CDH2: variants seen among roughly 807,000 people sequenced by gnomAD.
CDH2 encodes cadherin 2, also known as cadherin-2.
A neutral mutation model predicts 92.0 loss-of-function variants in CDH2; 17 were observed. The ratio of observed to expected loss-of-function variants is 0.18; its 90% confidence interval spans 0.13 to 0.28. The LOEUF is 0.28. Among genes scored for constraint, CDH2 ranks in the 10% least tolerant of loss-of-function variants. The pLI is 1.00. For missense variants in CDH2, 862 were observed against 1,133.1 expected (o/e 0.76, Z 3.44); for synonymous variants, 419 against 415.9 (o/e 1.01, Z -0.09).
rs541641759 is a variant in CDH2 at position 27,970,391 on chromosome 18, C to T, written c.2350-6870G>A. ...TCAAAGCCACTCTATCTCAGCATGA[C>T]CTATTAATTCATCTCAGAGAAAACA... On this transcript the variant is annotated intron_variant, in intron 14 of 15. Transcript: ENST00000269141. Among the ~76,000 whole-genome samples, 681 of 152,280 alleles carry T rather than the reference C, an allele frequency of 4.5e-3. 1 individual carries two copies. Among genetic ancestry groups the T allele is most frequent in the Non-Finnish European group, 7.4e-3 (506 of 68,024 alleles).
intron 2 of CDH2, among the ~76,000 whole-genome samples, chr18:28,145,169 T>C (rs1598506195): frequency 6.6e-6 from 1 of 152,094 alleles, no homozygotes; most frequent in Non-Finnish European, 1.5e-5. Flanking sequence ...CCTAAGAATG[T>C]ATATTGTACA....
chr18:27,950,373 T>A (rs1322310123), downstream of CDH2, among the ~76,000 whole-genome samples: 1 of 152,142 alleles, frequency 6.6e-6, no homozygotes. Context: ...GTAAGATACA[T>A]AAACAATTTT....
chr18:28,177,072 C>T lies in CDH2; in HGVS notation c.-50G>A, dbSNP rs1568028950. On this transcript the variant is annotated 5_prime_UTR_variant, in exon 1 of 16. Transcript: ENST00000269141. ...GAGCCGGAGGAGGCGGCGGCGGCGGCGGCGGCGGCGGAGGAGGAGGAGGCA... is the reference window on the plus strand; with the variant it reads ...GAGCCGGAGGAGGCGGCGGCGGCGGTGGCGGCGGCGGAGGAGGAGGAGGCA... The T allele has an allele frequency of 2.2e-6, 3 of 1,374,438 alleles. No individual in the cohort carries two copies. Among genetic ancestry groups the T allele is most frequent in the East Asian group, 2.8e-5 (1 of 35,648 alleles). 85.1% of individuals were successfully genotyped at this position (1,374,438 alleles called of 1,614,324 possible). A position where few individuals can be genotyped will look rare whatever the true frequency, so the allele number is the denominator to read the frequency against.
At chr18:28,033,284 C>G (rs898518548) in intron 2 of CDH2, among the ~76,000 whole-genome samples, 8 of 151,924 alleles carry the variant, frequency 5.3e-5, no homozygotes, top group African/African-American at 1.9e-4. Flanking sequence ...TTTTCAAGGG[C>G]AAATTTGTTC....
intron 2 of CDH2, among the ~76,000 whole-genome samples, chr18:28,106,984 C>T (rs1235673366): frequency 1.3e-5 from 2 of 152,048 alleles, no homozygotes; most frequent in African/African-American, 4.8e-5. Flanking sequence ...CATTCATTAC[C>T]AATTCCATGA....
intron 14 of CDH2, among the ~76,000 whole-genome samples, chr18:27,979,750 CAG>C (rs151226498): frequency 0.17 from 26,568 of 151,988 alleles, 2,543 homozygotes; most frequent in East Asian, 0.38. Flanking sequence ...AAGTCAAAAA[CAG>C]GGGGTGCTAA....
chr18:28,022,850 A>G lies in CDH2; in HGVS notation c.173-8941T>C, dbSNP rs184595198. Among the ~76,000 whole-genome samples, 161 of 152,190 alleles carry G rather than the reference A, an allele frequency of 1.1e-3. No individual in the cohort carries two copies. In the Middle Eastern group the frequency reaches 0.02, roughly 19 times the overall value. ...TTTTTGAAAGTTTAACTTTTGCTTT[A>G]TATCTATAAACTCTGTGTGTGTAAT... On this transcript the variant is annotated intron_variant, in intron 2 of 15. Coordinates refer to ENST00000269141, the MANE Select transcript of CDH2 (RefSeq NM_001792.5).
At chr18:28,003,253 T>C in intron 6 of CDH2, 84 bp from the exon 7 acceptor site, 5 of 1,006,964 alleles carry the variant, frequency 5.0e-6, no homozygotes, top group Non-Finnish European at 7.2e-6. Context: ...TGTTTTGATA[T>C]GTCTTATTTT....
intron 2 of CDH2, among the ~76,000 whole-genome samples, chr18:28,051,686 T>C (rs1324059814): frequency 3.3e-5 from 5 of 152,168 alleles, no homozygotes; most frequent in Non-Finnish European, 7.4e-5. Context: ...GGAGTGTTTA[T>C]GAGTAGTTTT....
chr18:28,134,903 T>C (rs1264569750), intron 2 of CDH2, among the ~76,000 whole-genome samples: 1 of 151,966 alleles, frequency 6.6e-6, no homozygotes, highest in Non-Finnish European at 1.5e-5. Flanking sequence ...AGTACTGGCA[T>C]GTAGGGGATG....
chr18:27,998,338 C>T (rs2012654787), intron 7 of CDH2, among the ~76,000 whole-genome samples: 1 of 152,174 alleles, frequency 6.6e-6, no homozygotes, highest in Admixed American at 6.5e-5. Flanking sequence ...TCACAATAAT[C>T]CTATGAGGCA....
In CDH2 at chr18:28,130,955, G is replaced by A. The variant is rs138903600; in HGVS notation, c.172+16718C>T. On this transcript the variant is annotated intron_variant, in intron 2 of 15. Coordinates refer to ENST00000269141, the MANE Select transcript of CDH2 (RefSeq NM_001792.5). ...AATCAGACACCACATGCATGGACAC[G>A]CACGCTAATCCATTCAATGGAATCT... Among the ~76,000 whole-genome samples the A allele has an allele frequency of 3.4e-3, 524 of 152,150 alleles. 3 individuals are homozygous for A. The highest frequency in any genetic ancestry group is 8.7e-3 in the South Asian group (42 of 4,818).
intron 1 of CDH2, among the ~76,000 whole-genome samples, chr18:28,161,155 C>G (rs1189037588): frequency 2.0e-5 from 3 of 152,230 alleles, no homozygotes; most frequent in Non-Finnish European, 4.4e-5. Flanking sequence ...AAGCTCTCTA[C>G]TGTGTTCTTT....
At chr18:28,064,378 G>C (rs1038780082) in intron 2 of CDH2, among the ~76,000 whole-genome samples, 1 of 151,920 alleles carries the variant, frequency 6.6e-6, no homozygotes, top group Non-Finnish European at 1.5e-5. Flanking sequence ...ATCCCCTCTT[G>C]CCTCACCCTC....
chr18:28,056,137 T>C (rs1316439027), intron 2 of CDH2, among the ~76,000 whole-genome samples: 1 of 151,906 alleles, frequency 6.6e-6, no homozygotes, highest in Non-Finnish European at 1.5e-5. Flanking sequence ...TGTTTCAAAA[T>C]GAGAAAGAAG....
At chr18:28,053,301 C>T (rs931225505) in intron 2 of CDH2, among the ~76,000 whole-genome samples, 2 of 151,952 alleles carry the variant, frequency 1.3e-5, no homozygotes, top group Non-Finnish European at 2.9e-5. Flanking sequence ...TTAGTAAAAC[C>T]TTAATTTTTT....
intron 14 of CDH2, among the ~76,000 whole-genome samples, chr18:27,967,312 G>A (rs1296031478): frequency 6.6e-6 from 1 of 152,150 alleles, no homozygotes; most frequent in African/African-American, 2.4e-5. Flanking sequence ...CAAAAGTCCT[G>A]AACTGAGAGT....
At chr18:28,136,951 T>C (rs981505707) in intron 2 of CDH2, among the ~76,000 whole-genome samples, 2 of 152,096 alleles carry the variant, frequency 1.3e-5, no homozygotes, top group African/African-American at 4.8e-5. Flanking sequence ...ACTCTAAAAT[T>C]TGAAAACCAA....
Position 27,965,857 on chromosome 18 carries a change from G to A in CDH2, c.2350-2336C>T, listed in dbSNP as rs192757114. ...AAATCAGCCGGATGTGGTGGTGGGC[G>A]CCTGTAGTCCCAGATATTTATTTGG... On this transcript the variant is annotated intron_variant, in intron 14 of 15. Coordinates refer to ENST00000269141, the MANE Select transcript of CDH2 (RefSeq NM_001792.5). Among the ~76,000 whole-genome samples, 7 of 151,900 alleles carry A rather than the reference G, an allele frequency of 4.6e-5. No homozygotes were observed. The South Asian group carries it at 1.0e-3, about 23-fold the overall frequency.
Sources: gnomAD v4.1 joint callset for allele counts (sites outside exome capture counted in the v4.1 genomes callset) on GRCh38, gnomAD v4.1.1 for gene constraint, MANE v1.5 for transcripts, NCBI Gene and HGNC (gene_info 2026-07-23, HGNC 2026-07-21) for gene names.